Variants in CACNA2D1 observed in about 807,000 individuals in gnomAD.
CACNA2D1 encodes calcium voltage-gated channel auxiliary subunit alpha2delta 1, also known as voltage-dependent calcium channel subunit alpha-2/delta-1.
A neutral mutation model predicts 171.5 loss-of-function variants in CACNA2D1; 53 were observed. The observed-to-expected ratio is 0.31, with a 90% CI of 0.25 to 0.39. The LOEUF is 0.39. Among genes scored for constraint, CACNA2D1 ranks in the 10% least tolerant of loss-of-function variants. CACNA2D1 has a pLI of 1.00. For missense variants in CACNA2D1, 903 were observed against 1,299.8 expected (o/e 0.69, Z 4.69); for synonymous variants, 442 against 443.1 (o/e 1.00, Z 0.03).
intron 1 of CACNA2D1, among the ~76,000 whole-genome samples, chr7:82,362,028 T>C (rs1821133074): frequency 6.6e-6 from 1 of 152,134 alleles, no homozygotes; most frequent in African/African-American, 2.4e-5. Flanking sequence ...GAAAACTGAA[T>C]CATATTCAAT....
At chr7:82,295,533 C>A (rs1014940780) in intron 3 of CACNA2D1, among the ~76,000 whole-genome samples, 1 of 148,908 alleles carries the variant, frequency 6.7e-6, no homozygotes, top group African/African-American at 2.5e-5. Flanking sequence ...TTTTTTTTTT[C>A]TTTTAAGAGA....
At chr7:82,009,167 T>G (rs1799461668) in intron 15 of CACNA2D1, 1 of 152,012 alleles carries the variant, frequency 6.6e-6, no homozygotes, top group Admixed American at 6.6e-5. Flanking sequence ...GGCTTTCCCC[T>G]TCGCTCAACA....
chr7:82,083,517 G>C (rs1377090624), intron 7 of CACNA2D1, among the ~76,000 whole-genome samples: 1 of 151,728 alleles, frequency 6.6e-6, no homozygotes, highest in Non-Finnish European at 1.5e-5. Context: ...ATTATGTTTA[G>C]AAAGGTTCTA....
chr7:81,964,128 G>A lies in CACNA2D1; in HGVS notation c.2728-20C>T. The A allele has an allele frequency of 6.2e-7, 1 of 1,611,462 alleles. No individual in the cohort carries two copies. Among genetic ancestry groups the A allele is most frequent in the East Asian group, 2.2e-5 (1 of 44,790 alleles). On this transcript the variant is annotated intron_variant, in intron 33 of 38. Coordinates refer to ENST00000356860, the MANE Select transcript of CACNA2D1 (RefSeq NM_000722.4). ...TGATGGCTATAAAATAAAATAATAA[G>A]GTCATTTCAGTAGTCTACTTGATAC... is the stretch of plus-strand genomic sequence containing the variant.
At chr7:82,418,084 G>A (rs1828353209) in intron 1 of CACNA2D1, among the ~76,000 whole-genome samples, 1 of 152,166 alleles carries the variant, frequency 6.6e-6, no homozygotes, top group Admixed American at 6.5e-5. Context: ...ACAGGGCCAG[G>A]AGGCCTCAGA....
At chr7:81,984,847 A>G in intron 21 of CACNA2D1, 136 bp from the exon 22 acceptor site, 1 of 663,522 alleles carries the variant, frequency 1.5e-6, no homozygotes. Flanking sequence ...CTTTGACAAG[A>G]AAATGCATTC....
intron 5 of CACNA2D1, among the ~76,000 whole-genome samples, chr7:82,119,726 C>T (rs1354398490): frequency 6.6e-6 from 1 of 152,156 alleles, no homozygotes; most frequent in African/African-American, 2.4e-5. Flanking sequence ...ATAAACTTTG[C>T]TTGCAATCAT....
intron 3 of CACNA2D1, among the ~76,000 whole-genome samples, chr7:82,234,933 C>G (rs1263098657): frequency 6.6e-6 from 1 of 152,080 alleles, no homozygotes; most frequent in African/African-American, 2.4e-5. Context: ...TAAGTATGAT[C>G]GTTTGTGAGA....
chr7:82,100,184 G>A (rs540958003), intron 6 of CACNA2D1, among the ~76,000 whole-genome samples: 4 of 152,250 alleles, frequency 2.6e-5, no homozygotes, highest in African/African-American at 9.6e-5. Context: ...GAGTTTTTCA[G>A]GCTTTTAGAG....
intron 3 of CACNA2D1, among the ~76,000 whole-genome samples, chr7:82,321,270 G>A (rs1484298581): frequency 2.0e-5 from 3 of 151,996 alleles, no homozygotes; most frequent in Non-Finnish European, 2.9e-5. Context: ...ATGGTGGTGC[G>A]CGCTTGTAAC....
chr7:81,997,518 C>T (rs2130800565), intron 18 of CACNA2D1, among the ~76,000 whole-genome samples: 1 of 151,718 alleles, frequency 6.6e-6, no homozygotes, highest in South Asian at 2.1e-4. Context: ...TTTATATTCA[C>T]AAGCTCTTTG....
chr7:82,305,616 C>T (rs1813627419), intron 3 of CACNA2D1, among the ~76,000 whole-genome samples: 1 of 152,162 alleles, frequency 6.6e-6, no homozygotes, highest in Non-Finnish European at 1.5e-5. Context: ...CTCCAAGTCC[C>T]TATACTTTTT....
intron 9 of CACNA2D1, among the ~76,000 whole-genome samples, chr7:82,062,958 G>T (rs879423816): frequency 1.3e-5 from 2 of 151,778 alleles, no homozygotes; most frequent in Non-Finnish European, 2.9e-5. Flanking sequence ...TGTTGCTCAG[G>T]CTGGTCTCAA....
At chr7:82,283,505 C>T (rs1032026729) in intron 3 of CACNA2D1, among the ~76,000 whole-genome samples, 2 of 152,096 alleles carry the variant, frequency 1.3e-5, no homozygotes, top group East Asian at 3.9e-4. Flanking sequence ...TCCTAACAAG[C>T]AATTTCATAT....
intron 4 of CACNA2D1, among the ~76,000 whole-genome samples, chr7:82,152,670 A>G (rs1393713209): frequency 6.6e-6 from 1 of 152,026 alleles, no homozygotes. Context: ...ACTAAACACT[A>G]GCTTTGAAAT....
chr7:82,038,322 C>T (rs1803552899), intron 10 of CACNA2D1, 87 bp from the exon 11 acceptor site: 24 of 1,168,560 alleles, frequency 2.1e-5, no homozygotes, highest in Non-Finnish European at 2.8e-5. Flanking sequence ...TACTCCTAAA[C>T]GGTATTGCAT....
chr7:82,313,811 AATC>A (rs1369371751), intron 3 of CACNA2D1, among the ~76,000 whole-genome samples: 1 of 152,232 alleles, frequency 6.6e-6, no homozygotes, highest in Non-Finnish European at 1.5e-5. Context: ...CAAAAATACA[AATC>A]ATGGTTATTT....
intron 3 of CACNA2D1, among the ~76,000 whole-genome samples, chr7:82,262,710 T>C (rs1807288471): frequency 6.6e-6 from 1 of 152,124 alleles, no homozygotes; most frequent in Admixed American, 6.5e-5. Flanking sequence ...CTCCTACTCA[T>C]ATTTCTCTCA....
intron 3 of CACNA2D1, among the ~76,000 whole-genome samples, chr7:82,184,169 C>CTTTTT (rs72155870): frequency 5.5e-5 from 7 of 127,394 alleles, no homozygotes; most frequent in Non-Finnish European, 8.2e-5. Flanking sequence ...TCGGTTTCCT[C>CTTTTT]TTTTTTTTTT....
Sources: gnomAD v4.1 joint callset for allele counts (sites outside exome capture counted in the v4.1 genomes callset) on GRCh38, gnomAD v4.1.1 for gene constraint, MANE v1.5 for transcripts, NCBI Gene and HGNC (gene_info 2026-07-23, HGNC 2026-07-21) for gene names.